The following NCALD variants were observed in gnomAD, a reference collection of about 807,000 sequenced individuals.
NCALD encodes neurocalcin-delta.
Under a neutral mutation model 18.6 loss-of-function variants are expected in NCALD, and 10 were observed. That is an observed-to-expected ratio of 0.54 (90% CI 0.33 to 0.91). The LOEUF is 0.91. Ranked by LOEUF, NCALD falls within the 40% of genes least tolerant of loss-of-function variation. NCALD has a pLI of 0.03. For missense variants in NCALD, 184 were observed against 247.6 expected (o/e 0.74, Z 1.72); for synonymous variants, 88 against 87.4 (o/e 1.01, Z -0.04).
intron 1 of NCALD, among the ~76,000 whole-genome samples, chr8:101,747,494 C>A (rs1810474480): frequency 6.6e-6 from 1 of 152,116 alleles, no homozygotes; most frequent in South Asian, 2.1e-4. Flanking sequence ...ATGATGATAT[C>A]ATTGAGCCAC....
At position 102,076,417 on chromosome 8, in the gene NCALD, G is replaced by C. The variant is rs1186773967; in HGVS notation, c.-210+47820C>G. On this transcript the variant is annotated intron_variant, in intron 1 of 6. Coordinates refer to the NCALD transcript ENST00000311028. ...CTGCCTGTACCGGTTATAACAGAAA[G>C]CCTCCCTAAAAATAAAGCCAAGAGG... 5.9e-5 allele frequency among the ~76,000 whole-genome samples: 9 copies of C among 152,136 alleles called. No homozygotes were observed. The South Asian group carries it at 6.2e-4, about 11-fold the overall frequency.
chr8:101,934,949 C>T (rs1425197435), intron 2 of NCALD, among the ~76,000 whole-genome samples: 1 of 152,064 alleles, frequency 6.6e-6, no homozygotes, highest in Non-Finnish European at 1.5e-5. Context: ...CACCAAAGAA[C>T]AGTGGGGTAA....
chr8:101,891,732 A>T (rs547367887), intron 3 of NCALD, among the ~76,000 whole-genome samples: 53 of 152,288 alleles, frequency 3.5e-4, no homozygotes, highest in African/African-American at 1.2e-3. Flanking sequence ...TTCCCTTTCC[A>T]AGTCAAAGAA....
In NCALD at chr8:101,892,172, C is replaced by T. The variant is rs190814217; in HGVS notation, c.-106-4945G>A. Among the ~76,000 whole-genome samples, 938 of 150,172 alleles carry T rather than the reference C, an allele frequency of 6.2e-3. 15 individuals carry two copies. Among genetic ancestry groups the T allele is most frequent in the East Asian group, 0.025 (127 of 5,150 alleles). On this transcript the variant is annotated intron_variant, in intron 3 of 6. Coordinates refer to the NCALD transcript ENST00000311028. ...AGCACACAGCTGGAGATCTGAGAAC[C>T]GGCAGACTGCCTCCTCAAGTGGGTC...
chr8:101,930,706 A>T (rs1347675016), intron 2 of NCALD, among the ~76,000 whole-genome samples: 1 of 152,130 alleles, frequency 6.6e-6, no homozygotes, highest in East Asian at 1.9e-4. Flanking sequence ...AGTAAGCAAC[A>T]TTCATCCCAC....
chr8:101,977,400 T>C, intron 2 of NCALD, among the ~76,000 whole-genome samples: 1 of 151,998 alleles, frequency 6.6e-6, no homozygotes, highest in Non-Finnish European at 1.5e-5. Context: ...ATTGGGAGAT[T>C]TTTTTCCATC....
chr8:101,974,266 TAAAAGC>T (rs1820342113), intron 2 of NCALD, among the ~76,000 whole-genome samples: 10 of 152,190 alleles, frequency 6.6e-5, no homozygotes, highest in African/African-American at 2.4e-4. Context: ...CTAATATAAA[TAAAAGC>T]ATATTTGGAA....
intron 2 of NCALD, among the ~76,000 whole-genome samples, chr8:101,714,998 C>T (rs193128039): frequency 0.012 from 1,595 of 129,488 alleles, 126 homozygotes; most frequent in African/African-American, 0.053. Context: ...AGCGAGACTC[C>T]GTCTCAAAAA....
chr8:101,795,536 T>TC (rs1369795399), upstream of NCALD, among the ~76,000 whole-genome samples: 1 of 152,142 alleles, frequency 6.6e-6, no homozygotes, highest in Non-Finnish European at 1.5e-5. Context: ...ATTTAGGGCC[T>TC]CTTTTATAAG....
intron 4 of NCALD, among the ~76,000 whole-genome samples, chr8:101,868,084 A>G (rs2131392761): frequency 6.6e-6 from 1 of 152,190 alleles, no homozygotes; most frequent in South Asian, 2.1e-4. Flanking sequence ...CTCCTTTATT[A>G]TGGACTGACA....
intron 1 of NCALD, among the ~76,000 whole-genome samples, chr8:102,115,385 A>G (rs1022575106): frequency 1.3e-5 from 2 of 152,170 alleles, no homozygotes; most frequent in Admixed American, 1.3e-4. Flanking sequence ...TGCCCCCTAG[A>G]GAGAAACTGA....
chr8:101,761,320 G>A (rs898357247), intron 1 of NCALD, among the ~76,000 whole-genome samples: 2 of 152,198 alleles, frequency 1.3e-5, no homozygotes, highest in Non-Finnish European at 2.9e-5. Context: ...GGAACATGAA[G>A]CCATTTAGTC....
intron 2 of NCALD, among the ~76,000 whole-genome samples, chr8:101,982,357 G>A (rs557317583): frequency 2.0e-5 from 3 of 152,276 alleles, no homozygotes; most frequent in Admixed American, 6.5e-5. Context: ...TAGGAATTAA[G>A]GCAGACTGAA....
intron 4 of NCALD, among the ~76,000 whole-genome samples, chr8:101,855,963 A>G (rs1194747983): frequency 1.3e-5 from 2 of 152,144 alleles, no homozygotes; most frequent in Non-Finnish European, 2.9e-5. Flanking sequence ...ATCCTCATGA[A>G]CACTCATACA....
At chr8:101,742,363 TTTCCA>T (rs949243315) in intron 1 of NCALD, among the ~76,000 whole-genome samples, 8 of 152,228 alleles carry the variant, frequency 5.3e-5, no homozygotes, top group Admixed American at 2.6e-4. Context: ...TAGTTTTCTC[TTTCCA>T]TTCATCATGA....
intron 1 of NCALD, among the ~76,000 whole-genome samples, chr8:101,773,950 C>T (rs1033878473): frequency 6.6e-6 from 1 of 152,112 alleles, no homozygotes; most frequent in Admixed American, 6.6e-5. Flanking sequence ...TGTTAACATA[C>T]CTTAAACGTA....
chr8:101,877,455 C>T (rs1214518736), intron 4 of NCALD, among the ~76,000 whole-genome samples: 1 of 152,180 alleles, frequency 6.6e-6, no homozygotes. Flanking sequence ...CTAGCATTTC[C>T]CCATTTATCC....
rs371039440 is a variant in NCALD, at chr8:102,023,459, T to C, written c.-209-3170A>G. Among the ~76,000 whole-genome samples, 23 of 152,336 alleles carry C rather than the reference T, an allele frequency of 1.5e-4. 1 individual carries two copies. Among genetic ancestry groups the C allele is most frequent in the African/African-American group, 3.6e-4 (15 of 41,582 alleles). ...TTTTTACAAAGTGAATGAAGACTCT[T>C]TGATTTCTGGCAAAGACAAATAAAT... On this transcript the variant is annotated intron_variant, in intron 1 of 6. Transcript: ENST00000311028.
chr8:101,823,675 T>C (rs752765512), intron 4 of NCALD, among the ~76,000 whole-genome samples: 18 of 151,822 alleles, frequency 1.2e-4, no homozygotes, highest in Non-Finnish European at 2.4e-4. Flanking sequence ...CTCAAAATAT[T>C]AGAAAACTAT....
Sources: gnomAD v4.1 joint callset for allele counts (sites outside exome capture counted in the v4.1 genomes callset) on GRCh38, gnomAD v4.1.1 for gene constraint, MANE v1.5 for transcripts, NCBI Gene and HGNC (gene_info 2026-07-23, HGNC 2026-07-21) for gene names.